The following EPHA6 variants were observed in gnomAD, a reference collection of about 807,000 sequenced individuals.
The protein encoded by EPHA6 is EPH receptor A6.
In EPHA6, 50 loss-of-function variants were observed where a neutral mutation model predicts 112.0. The ratio of observed to expected loss-of-function variants is 0.45; its 90% CI spans 0.36 to 0.56. The LOEUF is 0.56. Among genes scored for constraint, EPHA6 ranks in the 20% least tolerant of loss-of-function variants. EPHA6 has a pLI of 0.00. For missense variants in EPHA6, 1,280 were observed against 1,417.4 expected (o/e 0.90, Z 1.56); for synonymous variants, 529 against 490.7 (o/e 1.08, Z -1.03).
intron 5 of EPHA6, among the ~76,000 whole-genome samples, chr3:97,364,656 CTG>C (rs541836691): frequency 3.8e-4 from 58 of 151,942 alleles, no homozygotes; most frequent in Non-Finnish European, 4.9e-4. Flanking sequence ...ACCATAGTAA[CTG>C]TAATTATTCG....
At position 97,518,833 on chromosome 3, in the gene EPHA6, GT is replaced by G. The variant is rs1403795835; in HGVS notation, c.2201-13518del. Reference sequence around the variant, plus strand: ...TGCCCACTTTTTAATAAAATTATTTGTTTTTTTGTTTGTTTTGTTTTGTTTT... The same window carrying G: ...TGCCCACTTTTTAATAAAATTATTTGTTTTTTGTTTGTTTTGTTTTGTTTT... On this transcript the variant is annotated intron_variant, in intron 10 of 17. Coordinates refer to ENST00000389672, the MANE Select transcript of EPHA6 (RefSeq NM_001080448.3). Among the ~76,000 whole-genome samples the G allele has an allele frequency of 4.0e-5, 6 of 151,626 alleles. No individual in the cohort carries two copies. The South Asian group carries it at 1.2e-3, about 32-fold the overall frequency.
chr3:96,817,714 C>T (rs1284586104), intron 1 of EPHA6, among the ~76,000 whole-genome samples: 1 of 152,028 alleles, frequency 6.6e-6, no homozygotes, highest in South Asian at 2.1e-4. Flanking sequence ...AATTATATGA[C>T]ATCCTTCATG....
At chr3:97,611,983 C>A (rs1187866011) in intron 13 of EPHA6, among the ~76,000 whole-genome samples, 2 of 151,916 alleles carry the variant, frequency 1.3e-5, no homozygotes. Context: ...ATCCTAGAAG[C>A]TGAATTCAGC....
At chr3:97,482,726 A>G (rs1485625770) in intron 9 of EPHA6, among the ~76,000 whole-genome samples, 1 of 152,132 alleles carries the variant, frequency 6.6e-6, no homozygotes, top group Non-Finnish European at 1.5e-5. Context: ...TTGCAAGGAG[A>G]GTCAAACAAC....
At chr3:97,500,488 C>T (rs1440154575) in intron 10 of EPHA6, among the ~76,000 whole-genome samples, 1 of 151,890 alleles carries the variant, frequency 6.6e-6, no homozygotes, top group African/African-American at 2.4e-5. Context: ...TTGTAAACGA[C>T]CAGATCTCGC....
At chr3:97,263,162 A>T (rs2079555949) in intron 5 of EPHA6, among the ~76,000 whole-genome samples, 1 of 152,296 alleles carries the variant, frequency 6.6e-6, no homozygotes, top group South Asian at 2.1e-4. Flanking sequence ...TATTAACCAT[A>T]CCTACAGTAT....
At chr3:97,543,147 T>C (rs1236795134) in intron 11 of EPHA6, among the ~76,000 whole-genome samples, 1 of 152,238 alleles carries the variant, frequency 6.6e-6, no homozygotes, top group Non-Finnish European at 1.5e-5. Flanking sequence ...GCTTTTGGTG[T>C]TTTAGACATG....
At chr3:97,477,541 C>T (rs181184536) in intron 8 of EPHA6, among the ~76,000 whole-genome samples, 10 of 150,530 alleles carry the variant, frequency 6.6e-5, no homozygotes, top group Admixed American at 2.0e-4. Context: ...GGGTTAATGG[C>T]GCAAGTTTAA....
chr3:97,039,241 G>A (rs986282351), intron 3 of EPHA6, among the ~76,000 whole-genome samples: 1 of 152,070 alleles, frequency 6.6e-6, no homozygotes, highest in Non-Finnish European at 1.5e-5. Flanking sequence ...AGACTAGAAA[G>A]AGGAAGTTAA....
At chr3:97,044,729 C>G (rs1206708826) in intron 3 of EPHA6, among the ~76,000 whole-genome samples, 4 of 151,948 alleles carry the variant, frequency 2.6e-5, no homozygotes, top group African/African-American at 7.3e-5. Context: ...AAAAAAATCT[C>G]TGGATTTGTA....
At position 96,987,597 on chromosome 3, in the gene EPHA6, A is replaced by T. The variant is rs750025459; in HGVS notation, c.718A>T (p.Thr240Ser). The change falls in exon 3 of 18, where the codon ACA becomes TCA. Residue 240 changes from threonine to serine, a missense_variant. Around this residue, in one of 4 missense-constraint regions of EPHA6, gnomAD observed 878 missense variants for 999.7 expected, o/e 0.88. Coordinates refer to ENST00000389672, the MANE Select transcript of EPHA6 (RefSeq NM_001080448.3). ...AATTAAATTCAAGCCAAACCAGTAT[A>T]CAAAGATCGACACAATTGCTGCTGA... The part of the protein sequence containing the change: ...HGIKFKPNQY[T>S]KIDTIAADES... The T allele has an allele frequency of 6.2e-7, 1 of 1,613,826 alleles. No homozygotes were observed. Among genetic ancestry groups the T allele is most frequent in the Non-Finnish European group, 8.5e-7 (1 of 1,179,724 alleles).
intron 14 of EPHA6, among the ~76,000 whole-genome samples, chr3:97,658,646 G>A (rs1250665952): frequency 6.6e-6 from 1 of 151,876 alleles, no homozygotes; most frequent in Non-Finnish European, 1.5e-5. Flanking sequence ...AGAAACCGTG[G>A]GAATTGCAGT....
At chr3:97,220,983 C>A (rs2078177917) in intron 3 of EPHA6, among the ~76,000 whole-genome samples, 1 of 151,958 alleles carries the variant, frequency 6.6e-6, no homozygotes, top group Admixed American at 6.6e-5. Flanking sequence ...AATAATAAAT[C>A]TTTATTATTA....
intron 5 of EPHA6, among the ~76,000 whole-genome samples, chr3:97,268,706 C>T (rs1200065596): frequency 1.3e-5 from 2 of 152,038 alleles, no homozygotes. Context: ...TTTACTTATA[C>T]TTGAATGTTT....
intron 2 of EPHA6, among the ~76,000 whole-genome samples, chr3:96,926,037 C>T (rs73131552): frequency 0.017 from 2,641 of 152,196 alleles, 45 homozygotes; most frequent in Non-Finnish European, 0.023. Context: ...TTCATTTTCA[C>T]ACTGCTATAA....
At chr3:97,296,484 A>G (rs757408876) in intron 5 of EPHA6, among the ~76,000 whole-genome samples, 3 of 152,182 alleles carry the variant, frequency 2.0e-5, no homozygotes, top group Non-Finnish European at 4.4e-5. Context: ...CAATGATAGC[A>G]GTGGAGAAAG....
intron 14 of EPHA6, among the ~76,000 whole-genome samples, chr3:97,694,505 G>A (rs1321010277): frequency 2.6e-5 from 4 of 152,202 alleles, no homozygotes; most frequent in Non-Finnish European, 4.4e-5. Flanking sequence ...CCAGAGTGCT[G>A]GGATTACAGG....
intron 2 of EPHA6, among the ~76,000 whole-genome samples, chr3:96,923,852 A>T (rs1372639825): frequency 6.9e-6 from 1 of 145,558 alleles, no homozygotes; most frequent in Non-Finnish European, 1.5e-5. Context: ...GTATATGGCT[A>T]GCCAGTTCCC....
At chr3:96,960,315 T>C (rs1437576842) in intron 2 of EPHA6, among the ~76,000 whole-genome samples, 1 of 152,160 alleles carries the variant, frequency 6.6e-6, no homozygotes, top group Non-Finnish European at 1.5e-5. Context: ...TCTTTCTCTC[T>C]TATTTCTGGG....
Sources: allele counts gnomAD v4.1 joint callset (sites outside exome capture counted in the v4.1 genomes callset), GRCh38; gene constraint gnomAD v4.1.1; regional missense constraint gnomAD v4.1.1; transcripts MANE v1.5; gene names NCBI Gene and HGNC (gene_info 2026-07-23, HGNC 2026-07-21).